DENND2D: variants seen among roughly 807,000 people sequenced by gnomAD.
DENND2D encodes the protein DENN domain-containing protein 2D.
In DENND2D, 37 loss-of-function variants were observed where a neutral mutation model predicts 59.8. The ratio of observed to expected loss-of-function variants is 0.62; its 90% CI spans 0.48 to 0.81. DENND2D has a LOEUF of 0.81. Ranked by LOEUF, DENND2D falls within the 40% of genes least tolerant of loss-of-function variation. DENND2D has a pLI of 0.00. For synonymous variants in DENND2D, 219 were observed against 211.3 expected (o/e 1.04, Z -0.31); for missense variants, 525 against 579.7 (o/e 0.91, Z 0.97).
rs747903760 is a variant in DENND2D at position 111,199,743 on chromosome 1, C to T, written c.123G>A (p.Glu41=). ...EALKEPERAQ[E]HSLPNFAGGQ... ...CCCCAGCAAAGTTGGGCAAAGAGTG[C>T]TCCTGGGCCCTTTCTGGTTCCTTTA... is the stretch of plus-strand genomic sequence containing the variant. The change falls in exon 2 of 12, where the codon GAG becomes GAA. Residue 41 remains glutamate (E), a synonymous_variant. Transcript: ENST00000357640. 8.1e-6 allele frequency: 13 copies of T among 1,614,148 alleles called. 1 individual carries two copies. The South Asian group carries it at 1.3e-4, about 16-fold the overall frequency.
At chr1:111,190,174 A>AAAAAAACAAAACAAAAC (rs1571175945) in intron 8 of DENND2D, among the ~76,000 whole-genome samples, 7 of 148,846 alleles carry the variant, frequency 4.7e-5, no homozygotes, top group East Asian at 3.9e-4. Flanking sequence ...AAAAAAAAAA[A>AAAAAAACAAAACAAAAC]AAAAAAAAAC....
upstream of DENND2D, among the ~76,000 whole-genome samples, chr1:111,203,274 G>A (rs1377409029): frequency 6.6e-6 from 1 of 152,238 alleles, no homozygotes; most frequent in African/African-American, 2.4e-5. Flanking sequence ...GCAGTTCAAA[G>A]AAGGGTGCAC....
rs1391498877 is a variant in DENND2D at position 111,189,205 on chromosome 1, C to T, written c.1014+7G>A. Reference sequence around the variant, plus strand: ...GGCCTGCAGGGGATCTGAACCCAGACACTTACCGACATTAAGAAGGTTCCT... The same window carrying T: ...GGCCTGCAGGGGATCTGAACCCAGATACTTACCGACATTAAGAAGGTTCCT... On this transcript the variant is annotated splice_region_variant and intron_variant, in intron 9 of 11. Coordinates refer to ENST00000357640, the MANE Select transcript of DENND2D (RefSeq NM_024901.5). 5.0e-6 allele frequency: 8 copies of T among 1,614,168 alleles called. No individual in the cohort carries two copies. The East Asian group carries it at 1.3e-4, about 27-fold the overall frequency.
upstream of DENND2D, chr1:111,204,380 C>G: frequency 7.2e-7 from 1 of 1,382,084 alleles, no homozygotes; most frequent in South Asian, 1.6e-5. Context: ...GGCTCCCGCT[C>G]CCAGCTCCGC....
intron 8 of DENND2D, among the ~76,000 whole-genome samples, chr1:111,191,821 G>A (rs1254455465): frequency 1.3e-5 from 2 of 152,192 alleles, no homozygotes; most frequent in African/African-American, 4.8e-5. Flanking sequence ...ATTAGGGCCA[G>A]CTGGCACAGA....
Position 111,200,491 on chromosome 1 carries a change from T to C in DENND2D, c.-32A>G, listed in dbSNP as rs1658699246. 1 of 1,588,384 alleles carries C rather than the reference T, an allele frequency of 6.3e-7. No homozygotes were observed. Among genetic ancestry groups the C allele is most frequent in the Admixed American group, 1.8e-5 (1 of 56,936 alleles). ...GCCTTCAGGACAGAGCGGACTCCCC[T>C]CTCCCCTAACACAGACAGACTGGTG... On this transcript the variant is annotated 5_prime_UTR_variant, in exon 1 of 12. Transcript: ENST00000357640.
chr1:111,189,110 A>T, intron 9 of DENND2D, 102 bp downstream of exon 9: 1 of 1,382,390 alleles, frequency 7.2e-7, no homozygotes, highest in Non-Finnish European at 1.0e-6. Flanking sequence ...ATTCTCACTC[A>T]ACAAAGAACT....
At chr1:111,198,083 G>A (rs1658421969) in intron 3 of DENND2D, 94 bp from the exon 4 acceptor site, 7 of 1,217,940 alleles carry the variant, frequency 5.7e-6, no homozygotes, top group South Asian at 5.2e-5. Context: ...GAGGGCAAAG[G>A]GGAGTTGCTG....
intron 9 of DENND2D, among the ~76,000 whole-genome samples, 157 bp downstream of exon 9, chr1:111,189,055 T>C (rs1379852670): frequency 6.6e-6 from 1 of 152,186 alleles, no homozygotes. Flanking sequence ...CATCTGTGTT[T>C]ATGTCCATGG....
chr1:111,200,503 C>T lies in DENND2D; in HGVS notation c.-44G>A, dbSNP rs766458153. On this transcript the variant is annotated 5_prime_UTR_variant, in exon 1 of 12. In the 5' UTR this introduces an upstream ATG that the reference lacks. Transcript: ENST00000357640. ...GAGCGGACTCCCCTCTCCCCTAACA[C>T]AGACAGACTGGTGACAGTAAGCCTG... is the stretch of plus-strand genomic sequence containing the variant. 5.1e-6 allele frequency: 8 copies of T among 1,576,328 alleles called. No individual in the cohort carries two copies. The African/African-American group carries it at 9.5e-5, about 19-fold the overall frequency.
chr1:111,200,176 C>CTAATA, intron 1 of DENND2D: 1 of 618,642 alleles, frequency 1.6e-6, no homozygotes, highest in South Asian at 2.0e-5. Context: ...TGAATAAGAA[C>CTAATA]AGGCTCAAAG....
Position 111,190,163 on chromosome 1 carries a change from C to A in DENND2D, c.973-910G>T, listed in dbSNP as rs1490735213. Among the ~76,000 whole-genome samples, 841 of 84,618 alleles carry A rather than the reference C, an allele frequency of 9.9e-3. 1 individual carries two copies. Among genetic ancestry groups the A allele is most frequent in the Middle Eastern group, 0.025 (4 of 158 alleles). 55.5% of individuals were successfully genotyped at this position (84,618 alleles called of 152,430 possible). On this transcript the variant is annotated intron_variant, in intron 8 of 11. Transcript: ENST00000357640. ...TGGGCGACACAGCGAGACTCTGTCTCAAAAAAAAAAAAAAAAAAAACTACC... is the reference window on the plus strand; with the variant it reads ...TGGGCGACACAGCGAGACTCTGTCTAAAAAAAAAAAAAAAAAAAAACTACC...
upstream of DENND2D, chr1:111,200,847 G>C (rs1203673350): frequency 4.1e-6 from 2 of 485,368 alleles, no homozygotes; most frequent in African/African-American, 4.0e-5. Context: ...AGATTGTGCA[G>C]AGAGTTAATT....
intron 4 of DENND2D, 143 bp from the exon 5 acceptor site, chr1:111,197,396 A>G (rs1658345842): frequency 6.8e-7 from 1 of 1,461,194 alleles, no homozygotes; most frequent in Admixed American, 2.5e-5. Context: ...CAGAATGGCC[A>G]CCAGCATCAA....
chr1:111,192,089 A>T lies in DENND2D; in HGVS notation c.972+51T>A, dbSNP rs748439409. On this transcript the variant is annotated intron_variant, in intron 8 of 11. Transcript: ENST00000357640. ...CTGTAAGCAGCAGAGCTGGGATCTG[A>T]ATCCCACTCTACCTGGCTCCAAATC... 4.1e-6 allele frequency: 6 copies of T among 1,467,080 alleles called. No individual in the cohort carries two copies. The South Asian group carries it at 7.0e-5, about 17-fold the overall frequency. 90.9% of individuals were successfully genotyped at this position (1,467,080 alleles called of 1,614,324 possible).
rs757235164 is a variant in DENND2D at position 111,188,362 on chromosome 1, G to C, written c.1108C>G (p.Gln370Glu). The part of the protein sequence containing the change: ...QGINELKTAE[Q>E]INEHVSGPFV... ...GGGCCTGAAACATGCTCGTTGATTTGTTCTGCAGCTGCAGGAGATATAAAG... is the reference window on the plus strand; with the variant it reads ...GGGCCTGAAACATGCTCGTTGATTTCTTCTGCAGCTGCAGGAGATATAAAG... The change falls in exon 11 of 12, where the codon CAA becomes GAA. Residue 370 changes from glutamine (Q) to glutamate (E), a missense_variant. Coordinates refer to ENST00000357640, the MANE Select transcript of DENND2D (RefSeq NM_024901.5). 1 of 1,613,510 alleles carries C rather than the reference G, an allele frequency of 6.2e-7. No individual in the cohort carries two copies.
At chr1:111,188,631 C>G in intron 10 of DENND2D, 71 bp downstream of exon 10, 1 of 1,416,934 alleles carries the variant, frequency 7.1e-7, no homozygotes. Context: ...CATTTTAGTT[C>G]TGGAAGGGAA....
At chr1:111,195,668 A>G (rs1445528438) in intron 6 of DENND2D, 1 of 448,654 alleles carries the variant, frequency 2.2e-6, no homozygotes, top group Non-Finnish European at 4.0e-6. Flanking sequence ...CTCAACTTAC[A>G]TGGTTTATTT....
At chr1:111,198,848 G>A (rs998251193) in intron 2 of DENND2D, 106 bp from the exon 3 acceptor site, 2 of 1,141,218 alleles carry the variant, frequency 1.8e-6, no homozygotes, top group Non-Finnish European at 2.6e-6. Flanking sequence ...AGCAGTCTAG[G>A]GTTAAGCTTC....
Sources: allele counts gnomAD v4.1 joint callset (sites outside exome capture counted in the v4.1 genomes callset), GRCh38; gene constraint gnomAD v4.1.1; transcripts MANE v1.5; gene names NCBI Gene and HGNC (gene_info 2026-07-23, HGNC 2026-07-21).